The following BCLAF3 variants were observed in gnomAD, a reference collection of about 807,000 sequenced individuals.
The protein encoded by BCLAF3 is transient octamer binding factor 1.
Under a neutral mutation model 51.2 loss-of-function variants are expected in BCLAF3, and 24 were observed. That is an observed-to-expected ratio of 0.47 (90% CI 0.34 to 0.66). The LOEUF (loss-of-function observed/expected upper bound fraction) is 0.66, where lower values mean the gene tolerates loss of function less well. Among genes scored for constraint, BCLAF3 ranks in the 30% least tolerant of loss-of-function variants. The probability of loss-of-function intolerance (pLI) is 0.01; values close to 1 mark genes in which losing one functional copy is unlikely to be tolerated. For synonymous variants in BCLAF3, 152 were observed against 176.6 expected (o/e 0.86, Z 1.10); for missense variants, 465 against 525.1 (o/e 0.89, Z 1.12).
intron 1 of BCLAF3, chrX:19,984,982 A>G (rs748070268): frequency 8.9e-6 from 1 of 112,204 alleles, no homozygotes; most frequent in Non-Finnish European, 1.9e-5. Flanking sequence ...CCCGGCCAAA[A>G]TTATACATTT....
intron 4 of BCLAF3, among the ~76,000 whole-genome samples, chrX:19,961,037 T>C (rs950312937): frequency 9.0e-6 from 1 of 111,534 alleles, no homozygotes; most frequent in African/African-American, 3.3e-5. Context: ...CTCCAGATAT[T>C]AGTACCACCT....
chrX:19,952,094 G>T (rs1440213110), intron 7 of BCLAF3, among the ~76,000 whole-genome samples: 2 of 111,835 alleles, frequency 1.8e-5, no homozygotes, highest in African/African-American at 6.5e-5. Context: ...CAGAAAAGAC[G>T]ATTAAATAAT....
intron 11 of BCLAF3, among the ~76,000 whole-genome samples, chrX:19,927,085 G>A (rs2070383801): frequency 9.0e-6 from 1 of 110,675 alleles, no homozygotes; most frequent in Admixed American, 9.7e-5. Flanking sequence ...AAATTAGCTG[G>A]GCGTGGTGGC....
chrX:19,977,714 G>A (rs142398119), intron 1 of BCLAF3, among the ~76,000 whole-genome samples: 3 of 112,605 alleles, frequency 2.7e-5, no homozygotes, highest in East Asian at 2.8e-4. Flanking sequence ...TAAACAACAC[G>A]TTTTCAGTGT....
intron 1 of BCLAF3, among the ~76,000 whole-genome samples, chrX:19,984,056 G>C (rs1294312893): frequency 2.6e-5 from 2 of 75,956 alleles, no homozygotes; most frequent in Non-Finnish European, 4.6e-5. Context: ...TGGGCAACAA[G>C]AGCAAGACTC....
intron 11 of BCLAF3, among the ~76,000 whole-genome samples, chrX:19,917,745 A>G (rs1243600789): frequency 3.6e-5 from 4 of 109,843 alleles, no homozygotes; most frequent in Non-Finnish European, 5.7e-5. Context: ...CTCTAATTCT[A>G]AAACTACATG....
chrX:19,938,894 T>C (rs2070885529), intron 8 of BCLAF3, among the ~76,000 whole-genome samples: 1 of 112,470 alleles, frequency 8.9e-6, no homozygotes, highest in Non-Finnish European at 1.9e-5. Context: ...TGTGCCCATG[T>C]AGCATTTTTA....
At chrX:19,979,179 G>C (rs2072531022) in intron 1 of BCLAF3, among the ~76,000 whole-genome samples, 1 of 110,385 alleles carries the variant, frequency 9.1e-6, no homozygotes, top group Non-Finnish European at 1.9e-5. Context: ...AGAATCACTT[G>C]AACCCCCAGA....
At chrX:19,925,794 T>C (rs1201703832) in intron 11 of BCLAF3, among the ~76,000 whole-genome samples, 3 of 112,051 alleles carry the variant, frequency 2.7e-5, no homozygotes, top group Non-Finnish European at 1.9e-5. Context: ...AATGGACTAA[T>C]AGGTCTAAGC....
At chrX:19,939,277 TTATTA>T (rs2070902591) in intron 8 of BCLAF3, among the ~76,000 whole-genome samples, 1 of 112,106 alleles carries the variant, frequency 8.9e-6, no homozygotes, top group African/African-American at 3.2e-5. Flanking sequence ...ATTTTATACT[TTATTA>T]TATTTTTCCA....
chrX:19,970,323 G>A, intron 1 of BCLAF3, 25 bp from the exon 2 acceptor site: 28 of 1,189,807 alleles, frequency 2.4e-5, no homozygotes, highest in Non-Finnish European at 3.1e-5. Context: ...AGGATTAGCA[G>A]GTTTGTAGAA....
At chrX:19,932,709 T>G (rs1415027826) in intron 10 of BCLAF3, among the ~76,000 whole-genome samples, 1 of 109,453 alleles carries the variant, frequency 9.1e-6, no homozygotes, top group Non-Finnish European at 1.9e-5. Context: ...TTTTTGTATT[T>G]TTAGTAGAGA....
At chrX:19,953,315 C>T (rs984262149) in intron 6 of BCLAF3, among the ~76,000 whole-genome samples, 7 of 111,449 alleles carry the variant, frequency 6.3e-5, no homozygotes, top group African/African-American at 2.3e-4. Context: ...ACTGCATTCT[C>T]ACATGTATTC....
rs745602973 is a variant in BCLAF3, at chrX:19,965,663, T to C, written c.655A>G (p.Lys219Glu). 8.8e-7 allele frequency: 1 copy of C among 1,141,288 alleles called. No individual in the cohort carries two copies. The allele number at this position is 1,141,288 out of a possible 1,213,427, so 94.1% of individuals were successfully genotyped here. A position where few individuals can be genotyped will look rare whatever the true frequency, so the allele number is the denominator to read the frequency against. ...RDFRKYGHTS[K>E]RPKDVERYES... The stretch of plus-strand genomic sequence containing the variant: ...TACCTCTCCACGTCTTTAGGTCTTT[T>C]TGATGTGTGTCCATATTTTCTGAAA... Residue 219 changes from lysine to glutamate, a missense_variant, in exon 4 of 12, where the codon AAA becomes GAA. Transcript: ENST00000379682.
At chrX:19,957,614 T>G (rs2071711144) in intron 4 of BCLAF3, among the ~76,000 whole-genome samples, 2 of 111,686 alleles carry the variant, frequency 1.8e-5, no homozygotes, top group South Asian at 7.5e-4. Flanking sequence ...CTGCTGAAAC[T>G]CTTGTCCCCA....
chrX:19,938,241 T>A (rs775450565), intron 8 of BCLAF3, among the ~76,000 whole-genome samples: 25 of 110,416 alleles, frequency 2.3e-4, no homozygotes, highest in Non-Finnish European at 4.0e-4. Context: ...CCTTCCTGTG[T>A]CTTCTGCAGG....
intron 1 of BCLAF3, among the ~76,000 whole-genome samples, chrX:19,984,002 G>A (rs1162279128): frequency 9.5e-6 from 1 of 105,256 alleles, no homozygotes; most frequent in Non-Finnish European, 1.9e-5. Context: ...AACCCGGGAG[G>A]CGGAAGTTGC....
chrX:19,977,639 C>G (rs1284996238), intron 1 of BCLAF3, among the ~76,000 whole-genome samples: 1 of 112,647 alleles, frequency 8.9e-6, no homozygotes, highest in Non-Finnish European at 1.9e-5. Context: ...CAAAGTGAGG[C>G]AGCAAGTGCT....
At chrX:19,982,263 T>C (rs1405851794) in intron 1 of BCLAF3, among the ~76,000 whole-genome samples, 1 of 110,105 alleles carries the variant, frequency 9.1e-6, no homozygotes, top group African/African-American at 3.3e-5. Context: ...GGCAACACAG[T>C]GAAACCCCCT....
Sources: gnomAD v4.1 joint callset for allele counts (sites outside exome capture counted in the v4.1 genomes callset) on GRCh38, gnomAD v4.1.1 for gene constraint, MANE v1.5 for transcripts, NCBI Gene and HGNC (gene_info 2026-07-23, HGNC 2026-07-21) for gene names.